Variants in MAP4K3 observed in about 807,000 individuals in gnomAD.
The protein encoded by MAP4K3 is MAPK/ERK kinase kinase kinase 3.
In MAP4K3, 94 loss-of-function variants were observed where a neutral mutation model predicts 143.5. That is an observed-to-expected ratio of 0.65 (90% confidence interval 0.55 to 0.78). The LOEUF (loss-of-function observed/expected upper bound fraction) is 0.78. Ranked by LOEUF, MAP4K3 falls within the 30% of genes least tolerant of loss-of-function variation. The probability of loss-of-function intolerance (pLI) is 0.00; values close to 1 mark genes in which losing one functional copy is unlikely to be tolerated. For missense variants in MAP4K3, 1,077 were observed against 1,068.1 expected (o/e 1.01, Z -0.12); for synonymous variants, 416 against 347.2 (o/e 1.20, Z -2.20).
At chr2:39,373,809 G>T (rs78996358) in intron 2 of MAP4K3, among the ~76,000 whole-genome samples, 1 of 152,068 alleles carries the variant, frequency 6.6e-6, no homozygotes, top group Non-Finnish European at 1.5e-5. Context: ...AGGGCTTGGT[G>T]GGGGGGTAGA....
At position 39,296,688 on chromosome 2, in the gene MAP4K3, A is replaced by C. The variant is rs574780932; in HGVS notation, c.1178+3055T>G. 5.7e-4 allele frequency among the ~76,000 whole-genome samples: 87 copies of C among 152,328 alleles called. 2 individuals are homozygous for C. In the South Asian group the frequency reaches 0.017, roughly 30 times the overall value. On this transcript the variant is annotated intron_variant, in intron 16 of 33. Coordinates refer to ENST00000263881, the MANE Select transcript of MAP4K3 (RefSeq NM_003618.4). ...TAAGTACTGCTCTGATTACATTTCAAACCAACAAGCAAACAAACAAAAACC... is the reference window on the plus strand; with the variant it reads ...TAAGTACTGCTCTGATTACATTTCACACCAACAAGCAAACAAACAAAAACC...
At chr2:39,288,312 G>T (rs766427482) in intron 19 of MAP4K3, 32 bp from the exon 20 acceptor site, 1 of 1,589,094 alleles carries the variant, frequency 6.3e-7, no homozygotes. Context: ...GACCAACAAT[G>T]AAACATCAAA....
intron 15 of MAP4K3, 97 bp downstream of exon 15, chr2:39,307,846 T>C (rs2148497023): frequency 3.2e-6 from 3 of 941,982 alleles, no homozygotes; most frequent in Non-Finnish European, 4.5e-6. Context: ...TAGCAACTTA[T>C]AAAACAATGC....
At chr2:39,287,928 G>T (rs559976887) in intron 20 of MAP4K3, among the ~76,000 whole-genome samples, 193 bp downstream of exon 20, 1 of 152,328 alleles carries the variant, frequency 6.6e-6, no homozygotes, top group South Asian at 2.1e-4. Context: ...AAATATCTCA[G>T]ACTGTGTCAT....
intron 2 of MAP4K3, among the ~76,000 whole-genome samples, chr2:39,374,883 C>T (rs1170374783): frequency 1.3e-5 from 2 of 152,010 alleles, no homozygotes. Context: ...AAACTCTAGA[C>T]AGAAATTCTT....
intron 2 of MAP4K3, among the ~76,000 whole-genome samples, chr2:39,360,495 C>T (rs185476410): frequency 3.2e-3 from 482 of 152,260 alleles, no homozygotes; most frequent in Non-Finnish European, 5.7e-3. Flanking sequence ...GCCTGTTACC[C>T]AATTCCAAAG....
intron 27 of MAP4K3, among the ~76,000 whole-genome samples, chr2:39,266,449 G>A (rs944857402): frequency 1.3e-5 from 2 of 152,146 alleles, no homozygotes; most frequent in Non-Finnish European, 1.5e-5. Flanking sequence ...TCTATCATCT[G>A]TATCCAGCTA....
At chr2:39,372,789 T>TA (rs1174854314) in intron 2 of MAP4K3, among the ~76,000 whole-genome samples, 4 of 151,840 alleles carry the variant, frequency 2.6e-5, no homozygotes, top group African/African-American at 9.7e-5. Flanking sequence ...AAAATCAAAT[T>TA]AAAATGGATT....
intron 1 of MAP4K3, among the ~76,000 whole-genome samples, chr2:39,425,890 GAGTT>G (rs1665056491): frequency 6.6e-6 from 1 of 152,136 alleles, no homozygotes; most frequent in Admixed American, 6.5e-5. Context: ...GAAATTAACG[GAGTT>G]AGAAAATCAT....
intron 28 of MAP4K3, among the ~76,000 whole-genome samples, chr2:39,261,726 A>G (rs1680576670): frequency 6.6e-6 from 1 of 152,212 alleles, no homozygotes; most frequent in African/African-American, 2.4e-5. Flanking sequence ...TTATATATAG[A>G]CAACTGAAAA....
chr2:39,404,679 C>T (rs1473016753), intron 1 of MAP4K3, among the ~76,000 whole-genome samples: 1 of 137,078 alleles, frequency 7.3e-6, no homozygotes, highest in Non-Finnish European at 1.5e-5. Flanking sequence ...TGGAGTGCAA[C>T]GGCACGATCT....
At chr2:39,391,113 TG>T (rs915728504) in intron 1 of MAP4K3, among the ~76,000 whole-genome samples, 12 of 151,714 alleles carry the variant, frequency 7.9e-5, no homozygotes, top group Non-Finnish European at 1.5e-5. Flanking sequence ...CCCAGCACTT[TG>T]GGAGGCCAAG....
chr2:39,280,966 C>A (rs1048897930), intron 22 of MAP4K3, among the ~76,000 whole-genome samples: 1 of 152,118 alleles, frequency 6.6e-6, no homozygotes, highest in African/African-American at 2.4e-5. Flanking sequence ...CATTTACAAA[C>A]TTTTCAGATA....
intron 3 of MAP4K3, among the ~76,000 whole-genome samples, chr2:39,346,874 T>C (rs1665308122): frequency 6.6e-6 from 1 of 152,028 alleles, no homozygotes; most frequent in African/African-American, 2.4e-5. Flanking sequence ...AAGTCAACAA[T>C]ATTTGGAATG....
chr2:39,427,454 A>G (rs1170364295), intron 1 of MAP4K3, among the ~76,000 whole-genome samples: 14 of 152,160 alleles, frequency 9.2e-5, no homozygotes, highest in Non-Finnish European at 1.5e-4. Context: ...AAATGTAAAG[A>G]AGCACTGTCT....
chr2:39,396,830 C>A (rs552260333), intron 1 of MAP4K3, among the ~76,000 whole-genome samples: 1 of 152,216 alleles, frequency 6.6e-6, no homozygotes, highest in South Asian at 2.1e-4. Flanking sequence ...AATACTAGCC[C>A]AGAAACAGCA....
At chr2:39,260,136 C>G (rs912340768) in intron 29 of MAP4K3, among the ~76,000 whole-genome samples, 2 of 152,164 alleles carry the variant, frequency 1.3e-5, no homozygotes, top group Non-Finnish European at 2.9e-5. Flanking sequence ...TAGTTAGAGA[C>G]AGGATCTCAT....
chr2:39,283,280 G>T (rs1164909887), intron 21 of MAP4K3, among the ~76,000 whole-genome samples: 1 of 152,128 alleles, frequency 6.6e-6, no homozygotes, highest in Non-Finnish European at 1.5e-5. Flanking sequence ...CAATGTATGA[G>T]AGCTCCTGGT....
At chr2:39,436,751 C>T (rs564259106) in intron 1 of MAP4K3, 141 bp downstream of exon 1, 19 of 683,904 alleles carry the variant, frequency 2.8e-5, no homozygotes, top group Non-Finnish European at 4.6e-5. Flanking sequence ...GCAGCAGAGC[C>T]CTTGGCGTCC....
Sources: allele counts gnomAD v4.1 joint callset (sites outside exome capture counted in the v4.1 genomes callset), GRCh38; gene constraint gnomAD v4.1.1; transcripts MANE v1.5; gene names NCBI Gene and HGNC (gene_info 2026-07-23, HGNC 2026-07-21).